TEX14: variants seen among roughly 807,000 people sequenced by gnomAD.
TEX14 encodes inactive serine/threonine-protein kinase TEX14.
A neutral mutation model predicts 178.6 loss-of-function variants in TEX14; 168 were observed. That is an observed-to-expected ratio of 0.94 (90% confidence interval 0.83 to 1.07). The LOEUF is 1.07. TEX14 is among the 50% of genes least tolerant of loss of function. TEX14 has a pLI of 0.00. For missense variants in TEX14, 1,730 were observed against 1,753.6 expected, an observed-to-expected ratio of 0.99 and a Z score of 0.24; for synonymous variants, 626 against 634.1, an observed-to-expected ratio of 0.99 and a Z score of 0.19.
At position 58,561,521 on chromosome 17, in the gene TEX14, T is replaced by C. The variant is rs768726704; in HGVS notation, c.4156A>G (p.Arg1386Gly). The C allele has an allele frequency of 3.1e-6, 5 of 1,610,180 alleles. No individual in the cohort carries two copies. Among genetic ancestry groups the C allele is most frequent in the Non-Finnish European group, 4.3e-6 (5 of 1,176,438 alleles). Reference protein sequence around the residue: ...ELQDLPKGSERETNIKDQKVG... With the variant: ...ELQDLPKGSEGETNIKDQKVG... The stretch of plus-strand genomic sequence containing the variant: ...GATTCCCCTTTGGGGAACAATAACC[T>C]TTCAGAGCCCTTGGGAAGGTCTTGT... Residue 1386 changes from arginine to glycine, a missense_variant and splice_region_variant, in exon 29 of 32, where the codon AGG becomes GGG. Physicochemically the swap from Arg to Gly is moderately radical, Grantham distance 125. Transcript: ENST00000349033.
chr17:58,637,198 G>GT (rs2046454385), intron 2 of TEX14, among the ~76,000 whole-genome samples: 1 of 152,234 alleles, frequency 6.6e-6, no homozygotes, highest in African/African-American at 2.4e-5. Context: ...TCCAGCCTGG[G>GT]TGACAGAACG....
intron 15 of TEX14, among the ~76,000 whole-genome samples, chr17:58,588,651 G>T (rs939505681): frequency 3.3e-5 from 5 of 152,160 alleles, no homozygotes; most frequent in African/African-American, 9.7e-5. Flanking sequence ...CTTCAATCTA[G>T]TCCCACTGAA....
intron 10 of TEX14, among the ~76,000 whole-genome samples, chr17:58,608,213 C>T (rs1438557641): frequency 6.6e-6 from 1 of 152,090 alleles, no homozygotes; most frequent in African/African-American, 2.4e-5. Context: ...GTCAGGAGTT[C>T]AAGACCATCC....
chr17:58,669,179 C>G (rs1280912776), intron 1 of TEX14, among the ~76,000 whole-genome samples: 1 of 151,930 alleles, frequency 6.6e-6, no homozygotes, highest in Non-Finnish European at 1.5e-5. Flanking sequence ...TGGTGAAACC[C>G]CATCTCTACT....
rs756622428 is a variant in TEX14, at chr17:58,617,622, A to G, written c.555-3T>C. 9 of 1,607,780 alleles carry G rather than the reference A, an allele frequency of 5.6e-6. No homozygotes were observed. The South Asian group carries it at 8.9e-5, about 16-fold the overall frequency. ...GGTTAGGAGAGCCATTAGGGTTTCT[A>G]GAAATATTTAAAACAGGAAAAAAAC... On this transcript the variant is annotated splice_polypyrimidine_tract_variant and splice_region_variant and intron_variant, in intron 5 of 31. Transcript: ENST00000349033.
rs561722115 is a variant in TEX14 at position 58,611,513 on chromosome 17, A to G, written c.1006-174T>C. ...GCTAAGTGAATGGCCTGACGTCCCA[A>G]TGACTCAGGCCCCCTGGATCCAAAC... On this transcript the variant is annotated intron_variant, in intron 9 of 31. Coordinates refer to ENST00000349033, the MANE Select transcript of TEX14 (RefSeq NM_031272.5). Among the ~76,000 whole-genome samples, 18 of 152,332 alleles carry G rather than the reference A, an allele frequency of 1.2e-4. No individual in the cohort carries two copies. The East Asian group carries it at 1.7e-3, about 15-fold the overall frequency.
chr17:58,595,585 G>A (rs1487700373), intron 14 of TEX14, among the ~76,000 whole-genome samples: 1 of 152,208 alleles, frequency 6.6e-6, no homozygotes, highest in East Asian at 1.9e-4. Flanking sequence ...AGAGAAGCTT[G>A]GGTGAGACTA....
In TEX14 at chr17:58,622,977, G is replaced by C; in HGVS notation, c.287C>G (p.Ala96Gly). The C allele has an allele frequency of 6.2e-7, 1 of 1,610,224 alleles. No individual in the cohort carries two copies. The highest frequency in any genetic ancestry group is 8.5e-7 in the Non-Finnish European group (1 of 1,176,714). The change falls in exon 4 of 32, where the codon GCA (alanine) becomes GGA (glycine). Residue 96 changes from alanine (A) to glycine (G), a missense_variant. By Grantham distance (60) the Ala-to-Gly change is moderately conservative. Transcript: ENST00000349033. ...CFDGSTPVHA[A>G]AFSGNQWILS... The stretch of plus-strand genomic sequence containing the variant: ...GATCCACTGATTGCCCGAAAATGCT[G>C]CTGCATGGACAGGGGTGCTCCCATC...
intron 6 of TEX14, 63 bp downstream of exon 6, chr17:58,617,475 G>A: frequency 8.0e-7 from 1 of 1,248,584 alleles, no homozygotes; most frequent in Admixed American, 1.8e-5. Context: ...AAAGGTGGGA[G>A]ATGGGGCCCG....
intron 1 of TEX14, among the ~76,000 whole-genome samples, chr17:58,673,581 A>G (rs1348971312): frequency 2.0e-5 from 3 of 151,980 alleles, no homozygotes; most frequent in Admixed American, 6.6e-5. Context: ...TTTTTGAGAC[A>G]GGGTCTTGTT....
In TEX14 at chr17:58,605,089, G is replaced by A. The variant is rs759201686; in HGVS notation, c.1225C>T (p.Leu409Phe). Residue 409 changes from leucine (L) to phenylalanine (F), a missense_variant, in exon 11 of 32, where the codon CTT becomes TTT. Leu to Phe is a conservative substitution (Grantham distance 22, BLOSUM62 0). This residue lies in a region of TEX14 where 789 missense variants were observed against 681.2 expected (regional missense o/e 1.16). Coordinates refer to ENST00000349033, the MANE Select transcript of TEX14 (RefSeq NM_031272.5). Reference protein sequence around the residue: ...GVQRDLTRVPLPTQLYNWAAP... With the variant: ...GVQRDLTRVPFPTQLYNWAAP... The stretch of plus-strand genomic sequence containing the variant: ...GCCCAGTTGTATAGCTGCGTAGGAA[G>A]GGGCACTCGAGTCAGGTCCCTCTGT... The A allele has an allele frequency of 4.8e-5, 77 of 1,614,064 alleles. No individual in the cohort carries two copies. The highest frequency in any genetic ancestry group is 1.3e-5 in the African/African-American group (1 of 74,930).
intron 5 of TEX14, among the ~76,000 whole-genome samples, chr17:58,620,682 CG>C (rs975454070): frequency 1.3e-5 from 2 of 151,998 alleles, no homozygotes; most frequent in East Asian, 3.9e-4. Flanking sequence ...TTAGTAGAGA[CG>C]GGGGTTTCAC....
intron 9 of TEX14, among the ~76,000 whole-genome samples, chr17:58,611,614 C>T (rs1294806806): frequency 1.3e-5 from 2 of 152,240 alleles, no homozygotes; most frequent in Admixed American, 1.3e-4. Flanking sequence ...CTGGTATGTG[C>T]ATCCAGGATT....
At chr17:58,651,505 C>T (rs1700777410) in intron 2 of TEX14, among the ~76,000 whole-genome samples, 1 of 152,162 alleles carries the variant, frequency 6.6e-6, no homozygotes, top group Admixed American at 6.6e-5. Flanking sequence ...AAGGGGACAG[C>T]TGTGAACACT....
chr17:58,637,689 T>C lies in TEX14; in HGVS notation c.137-7135A>G, dbSNP rs372494176. ...CTAGACATCTCTTCCATTCAGTTGC[T>C]CATCTGTATATTTTGTGATATCTTT... On this transcript the variant is annotated intron_variant, in intron 2 of 31. Coordinates refer to ENST00000349033, the MANE Select transcript of TEX14 (RefSeq NM_031272.5). 1.7e-4 allele frequency among the ~76,000 whole-genome samples: 26 copies of C among 152,304 alleles called. No homozygotes were observed. The South Asian group carries it at 5.2e-3, about 30-fold the overall frequency.
At chr17:58,687,783 AC>A (rs2047626880) in intron 1 of TEX14, among the ~76,000 whole-genome samples, 1 of 152,214 alleles carries the variant, frequency 6.6e-6, no homozygotes, top group Non-Finnish European at 1.5e-5. Context: ...GAATACTCTG[AC>A]AGGTTAACTA....
chr17:58,687,184 C>A (rs1345685745), intron 1 of TEX14, among the ~76,000 whole-genome samples: 1 of 152,106 alleles, frequency 6.6e-6, no homozygotes, highest in African/African-American at 2.4e-5. Context: ...GGCAATCACT[C>A]CCTGGCACTG....
At chr17:58,662,429 A>T (rs1179034033) in intron 1 of TEX14, among the ~76,000 whole-genome samples, 4 of 150,836 alleles carry the variant, frequency 2.7e-5, no homozygotes, top group African/African-American at 9.7e-5. Context: ...ACACACACAC[A>T]CACACACACA....
rs747501176 is a variant in TEX14 at position 58,598,827 on chromosome 17, T to G, written c.2469+49A>C. 2.7e-6 allele frequency: 4 copies of G among 1,496,568 alleles called. No individual in the cohort carries two copies. The Admixed American group carries it at 8.3e-5, about 31-fold the overall frequency. The allele number at this position is 1,496,568 out of a possible 1,614,324, so 92.7% of individuals were successfully genotyped here. ...GTGAAAGGTTTCCAGCCACAACCAT[T>G]TCTTTTCCTGGATCTTTTGCCAAAA... On this transcript the variant is annotated intron_variant, in intron 14 of 31. Coordinates refer to ENST00000349033, the MANE Select transcript of TEX14 (RefSeq NM_031272.5).
Sources: allele counts gnomAD v4.1 joint callset (sites outside exome capture counted in the v4.1 genomes callset), GRCh38; gene constraint gnomAD v4.1.1; regional missense constraint gnomAD v4.1.1; transcripts MANE v1.5; gene names NCBI Gene and HGNC (gene_info 2026-07-23, HGNC 2026-07-21).